Variants in PRKN observed in about 807,000 individuals in gnomAD.
PRKN encodes parkin RBR E3 ubiquitin protein ligase.
PRKN carries 56 observed loss-of-function variants against 59.5 expected under a neutral mutation model. That is an observed-to-expected ratio of 0.94 (90% CI 0.76 to 1.18). PRKN has a LOEUF of 1.18. Ranked by LOEUF, PRKN falls within the 50% of genes most tolerant of loss-of-function variation. The pLI, the probability that PRKN is intolerant of heterozygous loss-of-function variation, is 0.00. For missense variants in PRKN, 657 were observed against 596.4 expected (o/e 1.10, Z -1.06); for synonymous variants, 250 against 222.1 (o/e 1.13, Z -1.12).
chr6:161,843,950 C>CT (rs1439506647), intron 6 of PRKN, among the ~76,000 whole-genome samples: 1 of 152,162 alleles, frequency 6.6e-6, no homozygotes, highest in Admixed American at 6.5e-5. Flanking sequence ...GCGTGGAAGG[C>CT]TCCAGGCTCT....
intron 4 of PRKN, among the ~76,000 whole-genome samples, chr6:162,137,773 T>C (rs757022047): frequency 1.3e-5 from 2 of 152,212 alleles, no homozygotes; most frequent in Non-Finnish European, 2.9e-5. Flanking sequence ...AATCCACTCA[T>C]GAGGGCAGAG....
chr6:161,618,980 T>G (rs988290698), intron 7 of PRKN, among the ~76,000 whole-genome samples: 1 of 152,114 alleles, frequency 6.6e-6, no homozygotes, highest in Non-Finnish European at 1.5e-5. Context: ...GCAGAAGTGA[T>G]AGAAAAATGA....
At chr6:162,350,255 G>C (rs1056531779) in intron 2 of PRKN, among the ~76,000 whole-genome samples, 1 of 152,116 alleles carries the variant, frequency 6.6e-6, no homozygotes, top group African/African-American at 2.4e-5. Flanking sequence ...ACTCAGTGTT[G>C]TCAAAATATC....
intron 9 of PRKN, among the ~76,000 whole-genome samples, chr6:161,539,923 G>A (rs1286015343): frequency 2.0e-5 from 3 of 152,152 alleles, no homozygotes; most frequent in African/African-American, 7.2e-5. Context: ...GTATTCCACT[G>A]TATAATTATG....
chr6:161,647,069 T>A (rs778605512), intron 7 of PRKN, among the ~76,000 whole-genome samples: 1 of 152,240 alleles, frequency 6.6e-6, no homozygotes, highest in Non-Finnish European at 1.5e-5. Context: ...GAAATTGTGC[T>A]CATAATGTAA....
At chr6:162,176,030 C>G (rs1289355968) in intron 4 of PRKN, among the ~76,000 whole-genome samples, 1 of 152,186 alleles carries the variant, frequency 6.6e-6, no homozygotes, top group Non-Finnish European at 1.5e-5. Context: ...AAAAGATCCT[C>G]TGGCAATATG....
intron 1 of PRKN, among the ~76,000 whole-genome samples, chr6:162,707,144 C>A (rs919555138): frequency 1.3e-5 from 2 of 152,036 alleles, no homozygotes; most frequent in Admixed American, 6.6e-5. Context: ...GTTTCCCCAG[C>A]AAATTGTAAA....
chr6:162,556,401 G>GTGTGTGTGTGTA (rs776385523), intron 1 of PRKN, among the ~76,000 whole-genome samples: 1 of 131,158 alleles, frequency 7.6e-6, no homozygotes, highest in African/African-American at 2.7e-5. Context: ...GTGTGTGTGT[G>GTGTGTGTGTGTA]TGTCAGTTTG....
intron 4 of PRKN, among the ~76,000 whole-genome samples, chr6:162,070,902 CCG>C: frequency 6.6e-6 from 1 of 151,940 alleles, no homozygotes; most frequent in East Asian, 2.0e-4. Context: ...GGCTTGGGCA[CCG>C]CTGCCCTAGG....
intron 4 of PRKN, among the ~76,000 whole-genome samples, chr6:162,102,762 G>C (rs1327636718): frequency 6.9e-6 from 1 of 143,996 alleles, no homozygotes. Context: ...TACATAACTT[G>C]CCCGGGCGCG....
chr6:162,696,559 C>CTTTTTTTTTTTTTTTT (rs748055251), intron 1 of PRKN, among the ~76,000 whole-genome samples: 1 of 108,510 alleles, frequency 9.2e-6, no homozygotes. Flanking sequence ...TCAGGAAAAA[C>CTTTTTTTTTTTTTTTT]TTTTTTTTTT....
At chr6:161,818,172 T>A (rs1056268805) in intron 6 of PRKN, among the ~76,000 whole-genome samples, 1 of 152,088 alleles carries the variant, frequency 6.6e-6, no homozygotes, top group Non-Finnish European at 1.5e-5. Context: ...TGAGCTCTCC[T>A]GAAAGATAAG....
At position 162,093,051 on chromosome 6, in the gene PRKN, C is replaced by A. The variant is rs1489268121; in HGVS notation, c.535-38877G>T. Among the ~76,000 whole-genome samples, 3 of 152,306 alleles carry A rather than the reference C, an allele frequency of 2.0e-5. 1 individual carries two copies. The South Asian group carries it at 6.2e-4, about 32-fold the overall frequency. ...TTGAACCAAAAGGTTTTCAGGCTTGCGTTCTAGCTAATTCTGTCGCTTCTA... is the reference window on the plus strand; with the variant it reads ...TTGAACCAAAAGGTTTTCAGGCTTGAGTTCTAGCTAATTCTGTCGCTTCTA... On this transcript the variant is annotated intron_variant, in intron 4 of 11. Transcript: ENST00000366898.
chr6:161,944,842 T>C (rs960200837), intron 6 of PRKN, among the ~76,000 whole-genome samples: 10 of 152,198 alleles, frequency 6.6e-5, no homozygotes, highest in Admixed American at 2.0e-4. Flanking sequence ...TTTGAAGAGT[T>C]AACTTTTACT....
At chr6:161,585,652 C>T (rs568807947) in intron 7 of PRKN, among the ~76,000 whole-genome samples, 1 of 152,300 alleles carries the variant, frequency 6.6e-6, no homozygotes, top group Non-Finnish European at 1.5e-5. Flanking sequence ...TAGACATCAA[C>T]ATTTTAAGAC....
chr6:161,951,592 G>A (rs539893653), intron 6 of PRKN, among the ~76,000 whole-genome samples: 2 of 152,286 alleles, frequency 1.3e-5, no homozygotes, highest in Middle Eastern at 6.8e-3. Context: ...CTCTGGTTTA[G>A]TTTGGTTGTG....
intron 2 of PRKN, among the ~76,000 whole-genome samples, chr6:162,298,755 C>G (rs900568469): frequency 6.6e-6 from 1 of 151,940 alleles, no homozygotes; most frequent in African/African-American, 2.4e-5. Context: ...GAGGTGCAAG[C>G]TGTTTCTTGA....
chr6:162,332,995 C>A (rs1054291504), intron 2 of PRKN, among the ~76,000 whole-genome samples: 2 of 152,104 alleles, frequency 1.3e-5, no homozygotes, highest in African/African-American at 4.8e-5. Flanking sequence ...ATTTGAAAGA[C>A]CAGTAGCAGA....
At chr6:161,366,895 T>C (rs1485251455) in intron 10 of PRKN, among the ~76,000 whole-genome samples, 1 of 152,070 alleles carries the variant, frequency 6.6e-6, no homozygotes, top group African/African-American at 2.4e-5. Context: ...CTACCCAATT[T>C]ACGAATCGCT....
Sources: allele counts gnomAD v4.1 joint callset (sites outside exome capture counted in the v4.1 genomes callset), GRCh38; gene constraint gnomAD v4.1.1; transcripts MANE v1.5; gene names NCBI Gene and HGNC (gene_info 2026-07-23, HGNC 2026-07-21).